PTPRA: variants seen among roughly 807,000 people sequenced by gnomAD.
PTPRA encodes the protein protein tyrosine phosphatase receptor type A.
In PTPRA, 25 loss-of-function variants were observed where a neutral mutation model predicts 104.8. The ratio of observed to expected loss-of-function variants is 0.24; its 90% confidence interval spans 0.17 to 0.33. The LOEUF (loss-of-function observed/expected upper bound fraction) is 0.33, where lower values mean the gene tolerates loss of function less well. Ranked by LOEUF, PTPRA falls within the 10% of genes least tolerant of loss-of-function variation. PTPRA has a pLI of 1.00. For synonymous variants in PTPRA, 323 were observed against 368.9 expected (o/e 0.88, Z 1.43); for missense variants, 765 against 1,015.3 (o/e 0.75, Z 3.35).
At chr20:2,945,582 G>GGTGTGTGTGTGTGTGT (rs3842441) in intron 2 of PTPRA, among the ~76,000 whole-genome samples, 1 of 148,152 alleles carries the variant, frequency 6.7e-6, no homozygotes, top group Non-Finnish European at 1.5e-5. Flanking sequence ...ATAATTGGCA[G>GGTGTGTGTGTGTGTGT]GTGTGTGTGT....
At chr20:3,033,566 G>T (rs34093361) in intron 20 of PTPRA, among the ~76,000 whole-genome samples, 5,530 of 151,956 alleles carry the variant, frequency 0.036, 196 homozygotes, top group Middle Eastern at 0.085. Flanking sequence ...GCAGCTGCTG[G>T]TCCTTTTGAA....
At chr20:3,018,207 TTTG>T (rs1415626645) in intron 13 of PTPRA, among the ~76,000 whole-genome samples, 1 of 151,998 alleles carries the variant, frequency 6.6e-6, no homozygotes, top group Non-Finnish European at 1.5e-5. Context: ...AGGGGTTTTT[TTTG>T]TTGTTGTTTT....
At chr20:2,976,033 T>A (rs1273039446) in intron 6 of PTPRA, among the ~76,000 whole-genome samples, 1 of 152,166 alleles carries the variant, frequency 6.6e-6, no homozygotes, top group Non-Finnish European at 1.5e-5. Context: ...CTTGGAGGCA[T>A]ATGAAGTCCC....
intron 2 of PTPRA, among the ~76,000 whole-genome samples, chr20:2,928,196 C>T (rs1326887935): frequency 6.6e-6 from 1 of 151,958 alleles, no homozygotes; most frequent in Non-Finnish European, 1.5e-5. Flanking sequence ...AGTGCAGTGG[C>T]GCGATCTTGG....
intron 20 of PTPRA, among the ~76,000 whole-genome samples, chr20:3,030,675 G>GTT (rs2065397450): frequency 2.9e-5 from 3 of 102,598 alleles, no homozygotes; most frequent in Admixed American, 1.2e-4. Context: ...ATCTCCCTCT[G>GTT]CTTTTTTTTT....
At chr20:3,025,325 T>C (rs1271042074) in intron 17 of PTPRA, among the ~76,000 whole-genome samples, 1 of 151,922 alleles carries the variant, frequency 6.6e-6, no homozygotes, top group East Asian at 1.9e-4. Context: ...TGATGGCACA[T>C]GCCTGTAGTC....
chr20:2,938,888 A>C (rs1372168327), intron 2 of PTPRA, among the ~76,000 whole-genome samples: 2 of 152,092 alleles, frequency 1.3e-5, no homozygotes, highest in East Asian at 3.8e-4. Flanking sequence ...TGGTATTGTC[A>C]TCTGTTGATT....
intron 11 of PTPRA, among the ~76,000 whole-genome samples, chr20:3,012,878 C>T (rs765741150): frequency 6.6e-6 from 1 of 152,028 alleles, no homozygotes; most frequent in Non-Finnish European, 1.5e-5. Flanking sequence ...GTAAGTTTAC[C>T]AAGTTATGCA....
chr20:2,985,883 CCTTGTTT>C (rs1568682587), intron 6 of PTPRA, among the ~76,000 whole-genome samples: 2 of 121,434 alleles, frequency 1.6e-5, no homozygotes, highest in African/African-American at 6.5e-5. Flanking sequence ...CCAGCTGTCT[CCTTGTTT>C]GTTTGTTTGT....
chr20:3,004,897 G>A (rs983136442), intron 9 of PTPRA, among the ~76,000 whole-genome samples, 159 bp from the exon 10 acceptor site: 1 of 152,192 alleles, frequency 6.6e-6, no homozygotes, highest in African/African-American at 2.4e-5. Context: ...CGGGGGAGAG[G>A]AGCATTCTCT....
At chr20:2,988,512 G>C (rs1268625322) in intron 9 of PTPRA, 38 bp downstream of exon 9, 5 of 1,602,706 alleles carry the variant, frequency 3.1e-6, no homozygotes, top group Non-Finnish European at 4.2e-6. Context: ...CAGCAGGGAA[G>C]AAGGCAGACC....
chr20:2,914,908 G>A (rs962573823), intron 1 of PTPRA, among the ~76,000 whole-genome samples: 1 of 152,138 alleles, frequency 6.6e-6, no homozygotes, highest in Non-Finnish European at 1.5e-5. Flanking sequence ...ATTCCTAGGT[G>A]AGGCCAAGCA....
intron 9 of PTPRA, among the ~76,000 whole-genome samples, chr20:2,999,534 G>C (rs1013845649): frequency 1.1e-4 from 17 of 152,190 alleles, no homozygotes; most frequent in African/African-American, 2.9e-4. Context: ...ATGAAATAAA[G>C]AGCCCAGAAG....
rs1238718758 is a variant in PTPRA at position 2,909,915 on chromosome 20, G to A, written c.-128-13292G>A. Among the ~76,000 whole-genome samples, 29 of 120,448 alleles carry A rather than the reference G, an allele frequency of 2.4e-4. 1 individual carries two copies. Among genetic ancestry groups the A allele is most frequent in the Admixed American group, 1.1e-3 (11 of 10,446 alleles). 79.0% of individuals were successfully genotyped at this position (120,448 alleles called of 152,430 possible). On this transcript the variant is annotated intron_variant, in intron 1 of 23. Transcript: ENST00000399903. ...AATATATAATATATGACATATATAT[G>A]TTATATATTGTTATATATAATATGT...
At chr20:2,993,814 G>T (rs765864113) in intron 9 of PTPRA, among the ~76,000 whole-genome samples, 2 of 152,188 alleles carry the variant, frequency 1.3e-5, no homozygotes, top group African/African-American at 2.4e-5. Context: ...TTACCTAATG[G>T]CCAATGTTAT....
intron 11 of PTPRA, among the ~76,000 whole-genome samples, chr20:3,008,728 T>TAAAAAA (rs763235190): frequency 6.3e-5 from 4 of 63,702 alleles, no homozygotes; most frequent in Non-Finnish European, 1.0e-4. Context: ...TCATCTCTAC[T>TAAAAAA]AAAAAAAAAA....
chr20:3,021,916 G>C (rs972379644), intron 14 of PTPRA, 138 bp from the exon 15 acceptor site: 1 of 1,098,158 alleles, frequency 9.1e-7, no homozygotes, highest in South Asian at 1.6e-5. Flanking sequence ...GTGAGACCTT[G>C]TGTCTGTGGT....
chr20:3,026,631 C>T, intron 17 of PTPRA, 56 bp from the exon 18 acceptor site: 1 of 1,404,990 alleles, frequency 7.1e-7, no homozygotes, highest in East Asian at 2.3e-5. Flanking sequence ...CAGGCATAAT[C>T]TTGTCAAGTT....
intron 2 of PTPRA, among the ~76,000 whole-genome samples, chr20:2,946,647 A>ACAC (rs1322396472): frequency 3.9e-5 from 6 of 152,102 alleles, no homozygotes; most frequent in African/African-American, 1.4e-4. Flanking sequence ...CAGGAGTTTG[A>ACAC]CACCAGCCTG....
Sources: gnomAD v4.1 joint callset for allele counts (sites outside exome capture counted in the v4.1 genomes callset) on GRCh38, gnomAD v4.1.1 for gene constraint, MANE v1.5 for transcripts, NCBI Gene and HGNC (gene_info 2026-07-23, HGNC 2026-07-21) for gene names.